The following CHRM5 variants were observed in gnomAD, a reference collection of about 807,000 sequenced individuals.
CHRM5 encodes the protein muscarinic acetylcholine receptor M5.
Under a neutral mutation model 39.0 loss-of-function variants are expected in CHRM5, and 18 were observed. The ratio of observed to expected loss-of-function variants is 0.46; its 90% CI spans 0.32 to 0.68. CHRM5 has a LOEUF of 0.68. Among genes scored for constraint, CHRM5 ranks in the 30% least tolerant of loss-of-function variants. CHRM5 has a pLI of 0.04. For synonymous variants in CHRM5, 241 were observed against 246.3 expected (o/e 0.98, Z 0.20); for missense variants, 515 against 651.1 (o/e 0.79, Z 2.28).
At chr15:34,003,371 A>G (rs1897214919) in intron 1 of CHRM5, among the ~76,000 whole-genome samples, 1 of 152,216 alleles carries the variant, frequency 6.6e-6, no homozygotes. Flanking sequence ...ACTATACCAG[A>G]GTGTTCTTTT....
At chr15:33,986,653 G>C (rs1567450293) in intron 1 of CHRM5, among the ~76,000 whole-genome samples, 1 of 151,522 alleles carries the variant, frequency 6.6e-6, no homozygotes, top group African/African-American at 2.4e-5. Context: ...CTCTATATCA[G>C]GTTTTTGTTT....
chr15:33,993,032 T>A (rs2140577840), intron 1 of CHRM5, among the ~76,000 whole-genome samples: 1 of 152,366 alleles, frequency 6.6e-6, no homozygotes, highest in South Asian at 2.1e-4. Flanking sequence ...CCACGTTTTC[T>A]TCAATATTGA....
chr15:34,043,401 C>T (rs1263887136), intron 1 of CHRM5, among the ~76,000 whole-genome samples: 2 of 152,172 alleles, frequency 1.3e-5, no homozygotes, highest in African/African-American at 2.4e-5. Flanking sequence ...CATAGGCAAG[C>T]AGATTTTCTA....
At chr15:34,017,180 C>G (rs781301857) in intron 1 of CHRM5, among the ~76,000 whole-genome samples, 3 of 152,032 alleles carry the variant, frequency 2.0e-5, no homozygotes, top group Non-Finnish European at 4.4e-5. Context: ...TACAATGAAT[C>G]CAACCACCCG....
At chr15:33,986,167 C>T (rs1356819517) in intron 1 of CHRM5, among the ~76,000 whole-genome samples, 1 of 151,444 alleles carries the variant, frequency 6.6e-6, no homozygotes, top group Admixed American at 6.6e-5. Context: ...AGTGCAGTGG[C>T]GCCATCTCGG....
chr15:34,057,654 A>G (rs1049270363), intron 2 of CHRM5, among the ~76,000 whole-genome samples: 1 of 152,168 alleles, frequency 6.6e-6, no homozygotes, highest in Non-Finnish European at 1.5e-5. Flanking sequence ...AGTTGGAGCC[A>G]TATGTTGTAG....
chr15:34,005,896 T>C (rs1378920391), intron 1 of CHRM5, among the ~76,000 whole-genome samples: 1 of 152,228 alleles, frequency 6.6e-6, no homozygotes, highest in Non-Finnish European at 1.5e-5. Flanking sequence ...ATCTAGGGAC[T>C]GCAAAGACTG....
At chr15:33,986,132 A>G (rs1465117233) in intron 1 of CHRM5, among the ~76,000 whole-genome samples, 4 of 149,412 alleles carry the variant, frequency 2.7e-5, no homozygotes, top group Non-Finnish European at 5.9e-5. Flanking sequence ...TTTGAGATGG[A>G]CTCTCGCTCT....
intron 2 of CHRM5, among the ~76,000 whole-genome samples, chr15:34,049,731 A>C (rs548488639): frequency 1.3e-5 from 2 of 152,074 alleles, no homozygotes; most frequent in African/African-American, 2.4e-5. Flanking sequence ...ACACACAATC[A>C]TCAGATTCTC....
At chr15:33,974,079 C>A (rs535644998) in intron 1 of CHRM5, among the ~76,000 whole-genome samples, 95 of 152,256 alleles carry the variant, frequency 6.2e-4, no homozygotes, top group Non-Finnish European at 7.5e-4. Flanking sequence ...TACAGGATAG[C>A]AAATTTATCC....
chr15:34,029,109 A>G (rs1898638245), intron 1 of CHRM5, among the ~76,000 whole-genome samples: 1 of 152,102 alleles, frequency 6.6e-6, no homozygotes, highest in Non-Finnish European at 1.5e-5. Flanking sequence ...GTAGACATTC[A>G]TTCTCAGGCT....
chr15:34,059,005 T>G (rs1458158647), intron 2 of CHRM5, among the ~76,000 whole-genome samples: 1 of 152,206 alleles, frequency 6.6e-6, no homozygotes, highest in Non-Finnish European at 1.5e-5. Flanking sequence ...CAAGCAATTC[T>G]CCTGCCTCAA....
chr15:33,972,192 C>A (rs1030301019), intron 1 of CHRM5: 10 of 151,854 alleles, frequency 6.6e-5, no homozygotes, highest in Non-Finnish European at 2.9e-5. Flanking sequence ...ATTCACAGAC[C>A]ATGATAAAAC....
At chr15:34,037,663 T>TC (rs1899210751) in intron 1 of CHRM5, among the ~76,000 whole-genome samples, 1 of 151,598 alleles carries the variant, frequency 6.6e-6, no homozygotes, top group Admixed American at 6.6e-5. Flanking sequence ...CGAGGTAAAC[T>TC]GACCCTAAAA....
At chr15:34,039,137 G>C in intron 1 of CHRM5, 1 of 1,013,854 alleles carries the variant, frequency 9.9e-7, no homozygotes. Flanking sequence ...CGGAGGAGCC[G>C]CGAGCGAAAG....
intron 1 of CHRM5, among the ~76,000 whole-genome samples, chr15:34,030,384 C>T (rs756201132): frequency 9.2e-5 from 14 of 152,174 alleles, no homozygotes; most frequent in South Asian, 2.1e-4. Flanking sequence ...CTTGCTCTGT[C>T]GCCCAGGCTG....
At chr15:34,008,626 C>T (rs2140653158) in intron 1 of CHRM5, among the ~76,000 whole-genome samples, 1 of 150,102 alleles carries the variant, frequency 6.7e-6, no homozygotes, top group Non-Finnish European at 1.5e-5. Flanking sequence ...GTAGCTGGGA[C>T]CACAGGCGTG....
intron 2 of CHRM5, among the ~76,000 whole-genome samples, chr15:34,060,919 G>A (rs950222375): frequency 2.6e-5 from 4 of 152,036 alleles, no homozygotes; most frequent in Non-Finnish European, 5.9e-5. Context: ...GGGAGGCTGA[G>A]GCAGGAGAAT....
chr15:33,994,105 G>A (rs573123972), intron 1 of CHRM5, among the ~76,000 whole-genome samples: 4 of 152,352 alleles, frequency 2.6e-5, no homozygotes, highest in Admixed American at 2.0e-4. Flanking sequence ...TCTGTGGCTT[G>A]TTAGGAACCG....
Sources: allele counts gnomAD v4.1 joint callset (sites outside exome capture counted in the v4.1 genomes callset), GRCh38; gene constraint gnomAD v4.1.1; transcripts MANE v1.5; gene names NCBI Gene and HGNC (gene_info 2026-07-23, HGNC 2026-07-21).